NFIX: variants seen among roughly 807,000 people sequenced by gnomAD.
NFIX encodes the protein nuclear factor I X, also known as nuclear factor 1 X-type.
In NFIX, 2 loss-of-function variants were observed where a neutral mutation model predicts 53.3. That is an observed-to-expected ratio of 0.04 (90% confidence interval 0.02 to 0.12). NFIX has a LOEUF of 0.12. Ranked by LOEUF, NFIX falls within the 10% of genes least tolerant of loss-of-function variation. The pLI, the probability that NFIX is intolerant of heterozygous loss-of-function variation, is 1.00. For synonymous variants in NFIX, 244 were observed against 289.0 expected, an observed-to-expected ratio of 0.84 and a Z score of 1.58; for missense variants, 310 against 674.5, an observed-to-expected ratio of 0.46 and a Z score of 5.99.
intron 1 of NFIX, chr19:13,024,625 C>T (rs1034307507): frequency 3.3e-6 from 5 of 1,535,984 alleles, no homozygotes; most frequent in African/African-American, 2.7e-5. Flanking sequence ...TTCACGGCTG[C>T]GATAGAACAT....
At chr19:12,997,418 G>A (rs1442785156) in intron 1 of NFIX, among the ~76,000 whole-genome samples, 2 of 152,158 alleles carry the variant, frequency 1.3e-5, no homozygotes, top group Non-Finnish European at 2.9e-5. Flanking sequence ...TGGCGAGGGC[G>A]CACCGGCATG....
rs930955149 is a variant in NFIX at position 13,072,127 on chromosome 19, G to C, written c.560-920G>C. On this transcript the variant is annotated intron_variant, in intron 2 of 10. Coordinates refer to ENST00000592199, the MANE Select transcript of NFIX (RefSeq NM_001365902.3). This position sits in a 1 kb window ranked among gnomAD's most constrained non-coding sequence, Gnocchi z 4.0. ...TTCCTCCTGCCCCACAACCTGCCTG[G>C]CCCCCCTCCACCACCCTCTCGCCAG... Among the ~76,000 whole-genome samples, 9 of 152,148 alleles carry C rather than the reference G, an allele frequency of 5.9e-5. No homozygotes were observed. The highest frequency in any genetic ancestry group is 2.2e-4 in the African/African-American group (9 of 41,426).
At position 13,073,143 on chromosome 19, in the gene NFIX, C is replaced by T. The variant is rs2016867432; in HGVS notation, c.622+34C>T. The T allele has an allele frequency of 1.2e-6, 2 of 1,603,896 alleles. No homozygotes were observed. Among genetic ancestry groups the T allele is most frequent in the Non-Finnish European group, 1.7e-6 (2 of 1,170,674 alleles). On this transcript the variant is annotated intron_variant, in intron 3 of 10. Coordinates refer to ENST00000592199, the MANE Select transcript of NFIX (RefSeq NM_001365902.3). This position sits in a 1 kb window ranked among gnomAD's most constrained non-coding sequence, Gnocchi z 4.5. Reference sequence around the variant, plus strand: ...CCCCCACCTGCCCAGCTGCCCTTATCCTTCATGCCCCTCCACTTCCTTCCC... The same window carrying T: ...CCCCCACCTGCCCAGCTGCCCTTATTCTTCATGCCCCTCCACTTCCTTCCC...
rs983964631 is a variant in NFIX, at chr19:13,002,560, C to G, written c.27+6696C>G. Among the ~76,000 whole-genome samples the G allele has an allele frequency of 6.6e-6, 1 of 150,560 alleles. No individual in the cohort carries two copies. The highest frequency in any genetic ancestry group is 1.5e-5 in the Non-Finnish European group (1 of 67,640). ...TGGGCAGGGTGACTGAGCTGCCCGG[C>G]GGGGCGGGCGGGCAGGGAGGGGTCG... On this transcript the variant is annotated intron_variant, in intron 1 of 10. Transcript: ENST00000592199. The surrounding 1 kb of genome is among the most constrained non-coding windows in gnomAD (Gnocchi z 6.1).
chr19:13,087,509 G>T (rs1454690107), intron 8 of NFIX, among the ~76,000 whole-genome samples: 2 of 152,056 alleles, frequency 1.3e-5, no homozygotes, highest in African/African-American at 2.4e-5. Context: ...GTGCTGGCAG[G>T]CCTGCCGTCC....
In NFIX at chr19:13,040,488, C is replaced by T. The variant is rs1259122330; in HGVS notation, c.559+14936C>T. Among the ~76,000 whole-genome samples the T allele has an allele frequency of 2.0e-5, 3 of 152,212 alleles. No homozygotes were observed. Among genetic ancestry groups the T allele is most frequent in the African/African-American group, 7.2e-5 (3 of 41,454 alleles). On this transcript the variant is annotated intron_variant, in intron 2 of 10. Transcript: ENST00000592199. The surrounding 1 kb of genome is among the most constrained non-coding windows in gnomAD (Gnocchi z 4.2). ...GGGATTGGCAGGGATCAGTCCTGGG[C>T]CCACTGGGATTGCTTGCCTTTTGCT...
In NFIX at chr19:13,094,556, A is replaced by G. The variant is rs1018866242; in HGVS notation, c.1495-79A>G. 112 of 1,451,218 alleles carry G rather than the reference A, an allele frequency of 7.7e-5. No homozygotes were observed. The highest frequency in any genetic ancestry group is 1.0e-4 in the Non-Finnish European group (109 of 1,072,782). 89.9% of individuals were successfully genotyped at this position (1,451,218 alleles called of 1,614,324 possible). The stretch of plus-strand genomic sequence containing the variant: ...TTGGGAGCTGGACCCTTGAGGGGCC[A>G]GGTCACTGGGCCAGGTAGGAGTGAG... On this transcript the variant is annotated intron_variant, in intron 10 of 10. Coordinates refer to ENST00000592199, the MANE Select transcript of NFIX (RefSeq NM_001365902.3). The surrounding 1 kb of genome is among the most constrained non-coding windows in gnomAD (Gnocchi z 4.3).
Position 13,094,926 on chromosome 19 carries a change from G to T in NFIX, c.*277G>T, listed in dbSNP as rs2018348903. ...AAACACGCGACATGGACTCTGTCAA[G>T]TAGAGGACAGAAAGCAAGAAAGGAT... On this transcript the variant is annotated 3_prime_UTR_variant, in exon 11 of 11. Coordinates refer to ENST00000592199, the MANE Select transcript of NFIX (RefSeq NM_001365902.3). This position sits in a 1 kb window ranked among gnomAD's most constrained non-coding sequence, Gnocchi z 4.3. 1 of 462,882 alleles carries T rather than the reference G, an allele frequency of 2.2e-6. No homozygotes were observed. The highest frequency in any genetic ancestry group is 3.9e-6 in the Non-Finnish European group (1 of 255,500). 28.7% of individuals were successfully genotyped at this position (462,882 alleles called of 1,614,324 possible). A position where few individuals can be genotyped will look rare whatever the true frequency, so the allele number is the denominator to read the frequency against.
rs913852681 is a variant in NFIX, at chr19:13,006,455, A to G, written c.27+10591A>G. ...GGTGCCCGCCCAAAATCTGGGGACA[A>G]GATGGCCGAGGCCTTTCCTTTACAG... On this transcript the variant is annotated intron_variant, in intron 1 of 10. Transcript: ENST00000592199. The surrounding 1 kb of genome is among the most constrained non-coding windows in gnomAD (Gnocchi z 5.6). Among the ~76,000 whole-genome samples, 1 of 152,216 alleles carries G rather than the reference A, an allele frequency of 6.6e-6. No individual in the cohort carries two copies. Among genetic ancestry groups the G allele is most frequent in the African/African-American group, 2.4e-5 (1 of 41,456 alleles).
In NFIX at chr19:13,088,162, A is replaced by G; in HGVS notation, c.1402+26A>G. 6.5e-7 allele frequency: 1 copy of G among 1,535,770 alleles called. No individual in the cohort carries two copies. On this transcript the variant is annotated intron_variant, in intron 9 of 10. Coordinates refer to ENST00000592199, the MANE Select transcript of NFIX (RefSeq NM_001365902.3). This position sits in a 1 kb window ranked among gnomAD's most constrained non-coding sequence, Gnocchi z 5.9. ...GTAAGTGGACGATGAAACCGAAACC[A>G]CAACGCCCAGCGTCCCCGGCCCGTC...
At chr19:13,041,027 C>T (rs180942708) in intron 2 of NFIX, among the ~76,000 whole-genome samples, 40 of 152,316 alleles carry the variant, frequency 2.6e-4, no homozygotes, top group African/African-American at 9.6e-4. Context: ...CCTCCTTGTT[C>T]AGTGGAAAGG....
At chr19:13,056,827 A>C (rs2145348213) in intron 2 of NFIX, among the ~76,000 whole-genome samples, 1 of 152,374 alleles carries the variant, frequency 6.6e-6, no homozygotes, top group East Asian at 1.9e-4. Context: ...AAGGTTATGA[A>C]GCCAGCCCTG....
Position 13,081,696 on chromosome 19 carries a change from A to G in NFIX, c.1095A>G (p.Thr365=), listed in dbSNP as rs903061749. ...AGVRPGSPRA[T]ASALHFPSTS... ...TGCATGCAGGGAGCCCCCGGGCCAC[A>G]GCATCAGCCCTGCACTTCCCCTCCA... is the stretch of plus-strand genomic sequence containing the variant. The change falls in exon 8 of 11, where the codon ACA becomes ACG. Residue 365 remains threonine (T), a synonymous_variant. Coordinates refer to ENST00000592199, the MANE Select transcript of NFIX (RefSeq NM_001365902.3). The surrounding 1 kb of genome is among the most constrained non-coding windows in gnomAD (Gnocchi z 4.7). 1.9e-6 allele frequency: 3 copies of G among 1,613,404 alleles called. No homozygotes were observed. Among genetic ancestry groups the G allele is most frequent in the African/African-American group, 2.7e-5 (2 of 74,868 alleles).
chr19:13,017,275 A>C (rs1179457360), intron 1 of NFIX, among the ~76,000 whole-genome samples: 3 of 152,222 alleles, frequency 2.0e-5, no homozygotes, highest in Non-Finnish European at 2.9e-5. Flanking sequence ...CAGGGGCTAG[A>C]CACCAGGGAA....
Position 13,012,122 on chromosome 19 carries a change from G to C in NFIX, c.28-12899G>C, listed in dbSNP as rs1392393853. On this transcript the variant is annotated intron_variant, in intron 1 of 10. Transcript: ENST00000592199. This position sits in a 1 kb window ranked among gnomAD's most constrained non-coding sequence, Gnocchi z 5.0. ...GCCGTGCGCAAAGCCTGGCGCGCGC[G>C]TGCGCAGCGACGAAAAGGCGGGAAG... is the stretch of plus-strand genomic sequence containing the variant. 1.3e-5 allele frequency: 2 copies of C among 152,354 alleles called. No individual in the cohort carries two copies. Among genetic ancestry groups the C allele is most frequent in the African/African-American group, 2.4e-5 (1 of 41,432 alleles). The allele number at this position is 152,354 out of a possible 1,614,324, so 9.4% of individuals were successfully genotyped here.
At chr19:13,082,311 G>C in intron 8 of NFIX, 1 of 157,334 alleles carries the variant, frequency 6.4e-6, no homozygotes, top group African/African-American at 2.4e-5. Context: ...CCAGTGCTCT[G>C]TAGGATGTTG....
chr19:13,038,804 C>T (rs891533605), intron 2 of NFIX, among the ~76,000 whole-genome samples: 14 of 152,102 alleles, frequency 9.2e-5, no homozygotes, highest in African/African-American at 2.7e-4. Context: ...GTGGTGGTGG[C>T]GCAGTGGTCT....
chr19:13,059,091 C>T (rs2015893979), intron 2 of NFIX, among the ~76,000 whole-genome samples: 1 of 152,214 alleles, frequency 6.6e-6, no homozygotes, highest in East Asian at 1.9e-4. Flanking sequence ...TCCCGGGATT[C>T]GTGCACATCG....
Position 13,001,339 on chromosome 19 carries a change from T to A in NFIX, c.27+5475T>A, listed in dbSNP as rs77773133. On this transcript the variant is annotated intron_variant, in intron 1 of 10. Coordinates refer to ENST00000592199, the MANE Select transcript of NFIX (RefSeq NM_001365902.3). The surrounding 1 kb of genome is among the most constrained non-coding windows in gnomAD (Gnocchi z 6.5). The stretch of plus-strand genomic sequence containing the variant: ...TCTCCCAGCGTCCATCACTGGGTGC[T>A]ACCTGCATGTGACTCCACGGATCAT... Among the ~76,000 whole-genome samples the A allele has an allele frequency of 2.6e-3, 400 of 152,308 alleles. 5 individuals carry two copies. Among genetic ancestry groups the A allele is most frequent in the African/African-American group, 9.4e-3 (389 of 41,560 alleles).
Sources: gnomAD v4.1 joint callset for allele counts (sites outside exome capture counted in the v4.1 genomes callset) on GRCh38, gnomAD v4.1.1 for gene constraint, Gnocchi (gnomAD v3.1) non-coding constraint, MANE v1.5 for transcripts, NCBI Gene and HGNC (gene_info 2026-07-23, HGNC 2026-07-21) for gene names.